The following SLC28A3 variants were observed in gnomAD, a reference collection of about 807,000 sequenced individuals.
SLC28A3 encodes solute carrier family 28 member 3.
In SLC28A3, 68 loss-of-function variants were observed where a neutral mutation model predicts 84.2. The ratio of observed to expected loss-of-function variants is 0.81; its 90% CI spans 0.66 to 0.99. The LOEUF (loss-of-function observed/expected upper bound fraction) is 0.99. Ranked by LOEUF, SLC28A3 falls within the 50% of genes least tolerant of loss-of-function variation. The pLI, the probability that SLC28A3 is intolerant of heterozygous loss-of-function variation, is 0.00. For missense variants in SLC28A3, 712 were observed against 841.5 expected, an observed-to-expected ratio of 0.85 and a Z score of 1.90; for synonymous variants, 267 against 303.6, an observed-to-expected ratio of 0.88 and a Z score of 1.25.
At chr9:84,284,528 A>G (rs1370547211) in intron 14 of SLC28A3, among the ~76,000 whole-genome samples, 1 of 152,144 alleles carries the variant, frequency 6.6e-6, no homozygotes, top group East Asian at 1.9e-4. Context: ...TTTTTAAACC[A>G]AATACATGCC....
chr9:84,310,260 T>G (rs1170278852), intron 2 of SLC28A3, among the ~76,000 whole-genome samples: 1 of 152,196 alleles, frequency 6.6e-6, no homozygotes, highest in African/African-American at 2.4e-5. Context: ...AGGGGACTAT[T>G]TCCCTTACTC....
At chr9:84,341,899 C>T (rs1168491338), upstream of SLC28A3, among the ~76,000 whole-genome samples, 7 of 152,116 alleles carry the variant, frequency 4.6e-5, no homozygotes, top group East Asian at 7.7e-4. Flanking sequence ...GAGCCCAAGG[C>T]GGGTGGATCA....
chr9:84,355,488 A>G, the SLC28A3 span, among the ~76,000 whole-genome samples: 2 of 152,222 alleles, frequency 1.3e-5, no homozygotes. Flanking sequence ...ACAATTTACT[A>G]TACATGGGTC....
At chr9:84,321,923 G>A (rs373340975) in intron 1 of SLC28A3, among the ~76,000 whole-genome samples, 8 of 151,880 alleles carry the variant, frequency 5.3e-5, no homozygotes, top group Non-Finnish European at 8.8e-5. Flanking sequence ...GGTGGTGAGC[G>A]CCTGTAATCA....
intron 10 of SLC28A3, among the ~76,000 whole-genome samples, chr9:84,291,319 T>G (rs1825210980): frequency 6.6e-6 from 1 of 152,012 alleles, no homozygotes; most frequent in Non-Finnish European, 1.5e-5. Flanking sequence ...AAGACTATGC[T>G]CCAGGCTAGT....
At chr9:84,298,438 G>C (rs1825502808) in intron 6 of SLC28A3, among the ~76,000 whole-genome samples, 2 of 152,114 alleles carry the variant, frequency 1.3e-5, no homozygotes, top group Admixed American at 1.3e-4. Context: ...AGTGAGCTGA[G>C]ATCGCGCCAC....
At chr9:84,291,180 C>T (rs1261784517) in intron 10 of SLC28A3, among the ~76,000 whole-genome samples, 1 of 152,136 alleles carries the variant, frequency 6.6e-6, no homozygotes, top group Admixed American at 6.5e-5. Flanking sequence ...TGTGCGGGAG[C>T]CCTCTTACCC....
chr9:84,283,568 CCTTTAT>C lies in SLC28A3; in HGVS notation c.1647+1771_1647+1776del, dbSNP rs1824854698. On this transcript the variant is annotated intron_variant, in intron 14 of 17. Transcript: ENST00000376238. ...AAATAAGAAGGATGCCTTACTTTTT[CCTTTAT>C]CTTTTTTTGGACCTTTTGAATTCTA... 3.3e-5 allele frequency among the ~76,000 whole-genome samples: 5 copies of C among 152,284 alleles called. No individual in the cohort carries two copies. In the South Asian group the frequency reaches 1.0e-3, roughly 32 times the overall value.
intron 1 of SLC28A3, among the ~76,000 whole-genome samples, chr9:84,322,063 A>G (rs1826399118): frequency 6.6e-6 from 1 of 152,248 alleles, no homozygotes; most frequent in Non-Finnish European, 1.5e-5. Context: ...AACAACAACA[A>G]GAAGAAACAT....
At chr9:84,336,885 C>T (rs879539769) in intron 1 of SLC28A3, among the ~76,000 whole-genome samples, 5 of 152,182 alleles carry the variant, frequency 3.3e-5, no homozygotes, top group Non-Finnish European at 7.3e-5. Flanking sequence ...CTGCCCACCC[C>T]ACCTCCTACT....
rs1332008675 is a variant in SLC28A3 at position 84,279,389 on chromosome 9, G to A, written c.1829-4C>T. ...ACAGGAGTGCTGGAGAGTATGCCTAGAAGTGGAACAGAGTCCCATTTATTT... is the reference window on the plus strand; with the variant it reads ...ACAGGAGTGCTGGAGAGTATGCCTAAAAGTGGAACAGAGTCCCATTTATTT... On this transcript the variant is annotated splice_polypyrimidine_tract_variant and splice_region_variant and intron_variant, in intron 16 of 17. Coordinates refer to ENST00000376238, the MANE Select transcript of SLC28A3 (RefSeq NM_001199633.2). 1.3e-6 allele frequency: 2 copies of A among 1,535,234 alleles called. No homozygotes were observed. The highest frequency in any genetic ancestry group is 2.4e-5 in the East Asian group (1 of 42,238).
At chr9:84,324,793 C>G (rs1826497308) in intron 1 of SLC28A3, among the ~76,000 whole-genome samples, 1 of 152,112 alleles carries the variant, frequency 6.6e-6, no homozygotes, top group Non-Finnish European at 1.5e-5. Context: ...GGTATTCTGT[C>G]AAAGTTGAGC....
chr9:84,313,748 G>A lies in SLC28A3; in HGVS notation c.61-294C>T, dbSNP rs562884630. On this transcript the variant is annotated intron_variant, in intron 1 of 17. Transcript: ENST00000376238. ...CTAAAAATATAAAAATTAGCTGGGCGTGGTGTTGTGCACCTATAATCCCAG... is the reference window on the plus strand; with the variant it reads ...CTAAAAATATAAAAATTAGCTGGGCATGGTGTTGTGCACCTATAATCCCAG... Among the ~76,000 whole-genome samples the A allele has an allele frequency of 3.9e-5, 6 of 151,924 alleles. No homozygotes were observed. In the South Asian group the frequency reaches 6.2e-4, roughly 16 times the overall value.
At chr9:84,337,236 G>A (rs1435850219) in intron 1 of SLC28A3, among the ~76,000 whole-genome samples, 1 of 152,118 alleles carries the variant, frequency 6.6e-6, no homozygotes, top group Non-Finnish European at 1.5e-5. Flanking sequence ...TTCTCCTTGA[G>A]GGCAAGAAGA....
In SLC28A3 at chr9:84,285,836, G is replaced by A. The variant is rs1264804256; in HGVS notation, c.1449+107C>T. Reference sequence around the variant, plus strand: ...GGGATGCATGAGAAGCTTCTACGGTGTGGAAGAGTCTACTGAGGTTAGGGT... The same window carrying A: ...GGGATGCATGAGAAGCTTCTACGGTATGGAAGAGTCTACTGAGGTTAGGGT... On this transcript the variant is annotated intron_variant, in intron 13 of 17. Coordinates refer to ENST00000376238, the MANE Select transcript of SLC28A3 (RefSeq NM_001199633.2). 3.1e-6 allele frequency: 4 copies of A among 1,295,406 alleles called. No individual in the cohort carries two copies. In the East Asian group the frequency reaches 7.6e-5, roughly 25 times the overall value. 80.2% of individuals were successfully genotyped at this position (1,295,406 alleles called of 1,614,324 possible). A position where few individuals can be genotyped will look rare whatever the true frequency, so the allele number is the denominator to read the frequency against.
At chr9:84,349,043 T>G in the SLC28A3 span, among the ~76,000 whole-genome samples, 1 of 152,054 alleles carries the variant, frequency 6.6e-6, no homozygotes, top group Admixed American at 6.6e-5. Context: ...CAAACAGGCT[T>G]TGTGTGAGCA....
chr9:84,281,348 A>G (rs888421320), intron 14 of SLC28A3, among the ~76,000 whole-genome samples: 2 of 152,252 alleles, frequency 1.3e-5, no homozygotes, highest in Non-Finnish European at 2.9e-5. Context: ...ATGGATGGAG[A>G]TTTGAATACT....
At chr9:84,368,509 A>G in the SLC28A3 span, among the ~76,000 whole-genome samples, 12 of 152,162 alleles carry the variant, frequency 7.9e-5, no homozygotes, top group Admixed American at 7.2e-4. Context: ...CAGATGCTGA[A>G]TGCTGGCCGG....
chr9:84,294,550 C>A (rs1316646515), intron 8 of SLC28A3, among the ~76,000 whole-genome samples: 1 of 152,184 alleles, frequency 6.6e-6, no homozygotes, highest in East Asian at 1.9e-4. Flanking sequence ...TAGATCAATA[C>A]ACTGAAGGCT....
Sources: allele counts gnomAD v4.1 joint callset (sites outside exome capture counted in the v4.1 genomes callset), GRCh38; gene constraint gnomAD v4.1.1; transcripts MANE v1.5; gene names NCBI Gene and HGNC (gene_info 2026-07-23, HGNC 2026-07-21).